The following PHIP variants were observed in gnomAD, a reference collection of about 807,000 sequenced individuals.
PHIP encodes PH-interacting protein.
PHIP carries 54 observed loss-of-function variants against 236.8 expected under a neutral mutation model. The ratio of observed to expected loss-of-function variants is 0.23; its 90% confidence interval spans 0.18 to 0.29. The LOEUF (loss-of-function observed/expected upper bound fraction) is 0.29, where lower values mean the gene tolerates loss of function less well. Among genes scored for constraint, PHIP ranks in the 10% least tolerant of loss-of-function variants. The pLI, the probability that PHIP is intolerant of heterozygous loss-of-function variation, is 1.00. For synonymous variants in PHIP, 756 were observed against 718.9 expected (o/e 1.05, Z -0.83); for missense variants, 1,370 against 2,190.8 (o/e 0.63, Z 7.48).
In PHIP at chr6:78,947,951, T is replaced by TCC. The variant is rs11370597; in HGVS notation, c.4054-178_4054-177dup. Among the ~76,000 whole-genome samples the TCC allele has an allele frequency of 7.4e-3, 1,115 of 150,840 alleles. 7 individuals are homozygous for TCC. The highest frequency in any genetic ancestry group is 0.031 in the Middle Eastern group (9 of 294). ...CTAATAATTCTTATTTATTTCATAC[T>TCC]CCCCCCCCTTATACTGCAATCAACA... On this transcript the variant is annotated intron_variant, in intron 35 of 39. Transcript: ENST00000275034.
At position 78,982,087 on chromosome 6, in the gene PHIP, T is replaced by C. The variant is rs539020623; in HGVS notation, c.2769+799A>G. Among the ~76,000 whole-genome samples, 19 of 152,150 alleles carry C rather than the reference T, an allele frequency of 1.2e-4. No homozygotes were observed. In the South Asian group the frequency reaches 3.3e-3, roughly 27 times the overall value. The stretch of plus-strand genomic sequence containing the variant: ...TAATTCTACAAACGACAATTTATAC[T>C]TAAATGGCAGAGGTTACAAAAAAAT... On this transcript the variant is annotated intron_variant, in intron 23 of 39. Coordinates refer to ENST00000275034, the MANE Select transcript of PHIP (RefSeq NM_017934.7).
chr6:78,965,565 C>T (rs747821143), intron 29 of PHIP, 138 bp downstream of exon 29: 46 of 586,642 alleles, frequency 7.8e-5, no homozygotes, highest in Non-Finnish European at 1.0e-4. Flanking sequence ...TCAAGGTGTA[C>T]AATAATAAAT....
At chr6:79,016,352 T>A (rs1196976022) in intron 13 of PHIP, among the ~76,000 whole-genome samples, 192 bp downstream of exon 13, 1 of 151,928 alleles carries the variant, frequency 6.6e-6, no homozygotes, top group East Asian at 1.9e-4. Context: ...ATTAATGCAA[T>A]GTCCTGAAAT....
intron 6 of PHIP, among the ~76,000 whole-genome samples, chr6:79,044,142 T>C (rs965822972): frequency 6.6e-6 from 1 of 152,160 alleles, no homozygotes; most frequent in African/African-American, 2.4e-5. Context: ...TGAGGAGATA[T>C]ATAGCCTTTA....
In PHIP at chr6:78,963,100, G is replaced by A; in HGVS notation, c.3532C>T (p.Leu1178=). 1 of 1,590,800 alleles carries A rather than the reference G, an allele frequency of 6.3e-7. No homozygotes were observed. The change falls in exon 30 of 40, where the codon CTA becomes TTA. Residue 1178 remains leucine (L), a synonymous_variant. Coordinates refer to ENST00000275034, the MANE Select transcript of PHIP (RefSeq NM_017934.7). ...IVAGINQLMT[L]DIASAFVAPV... ...ACTCGCGTGTTGCTTTACTTACCTA[G>A]TGTCATCAACTGGTTTATTCCTGCC... is the stretch of plus-strand genomic sequence containing the variant.
At chr6:79,010,627 T>C (rs1462895480) in intron 15 of PHIP, among the ~76,000 whole-genome samples, 2 of 151,142 alleles carry the variant, frequency 1.3e-5, no homozygotes, top group African/African-American at 4.9e-5. Flanking sequence ...ATGACAGAAA[T>C]AGAAAGATAT....
At position 78,978,686 on chromosome 6, in the gene PHIP, T is replaced by C. The variant is rs746241116; in HGVS notation, c.2795A>G (p.Glu932Gly). ...QKRLAVGELT[E>G]NGLTLEEWLP... ...CCATTCTTCTAATGTCAAACCATTT[T>C]CAGTTAGTTCTCCCACAGCCAATCT... is the stretch of plus-strand genomic sequence containing the variant. Residue 932 changes from glutamate to glycine, a missense_variant, in exon 24 of 40, where the codon GAA (glutamate) becomes GGA (glycine). Physicochemically the swap from Glu to Gly is moderately conservative, Grantham distance 98. Around this residue, in one of 14 missense-constraint regions of PHIP, gnomAD observed 76 missense variants for 76.4 expected, o/e 0.99. Coordinates refer to ENST00000275034, the MANE Select transcript of PHIP (RefSeq NM_017934.7). The C allele has an allele frequency of 1.3e-6, 2 of 1,595,798 alleles. No individual in the cohort carries two copies. The highest frequency in any genetic ancestry group is 1.7e-6 in the Non-Finnish European group (2 of 1,167,254).
chr6:79,004,307 T>C (rs1770170268), intron 15 of PHIP: 1 of 571,352 alleles, frequency 1.8e-6, no homozygotes, highest in Admixed American at 6.3e-5. Flanking sequence ...GGTAATAAAT[T>C]CCCTGGTAGT....
chr6:79,050,175 C>T (rs1043768532), intron 6 of PHIP, among the ~76,000 whole-genome samples: 2 of 151,808 alleles, frequency 1.3e-5, no homozygotes, highest in African/African-American at 2.4e-5. Flanking sequence ...GTATAAATGT[C>T]ACCATACAAT....
intron 39 of PHIP, among the ~76,000 whole-genome samples, chr6:78,943,684 G>A (rs1442550315): frequency 6.6e-6 from 1 of 152,062 alleles, no homozygotes; most frequent in African/African-American, 2.4e-5. Flanking sequence ...GGTTTTCTGG[G>A]ACATAAAGAT....
At chr6:79,053,141 C>T (rs1446647795) in intron 6 of PHIP, among the ~76,000 whole-genome samples, 3 of 151,988 alleles carry the variant, frequency 2.0e-5, no homozygotes, top group Non-Finnish European at 2.9e-5. Context: ...TGGTGAAACC[C>T]CGTCTCTACT....
chr6:79,047,031 T>C (rs1772529483), intron 6 of PHIP, among the ~76,000 whole-genome samples: 1 of 152,206 alleles, frequency 6.6e-6, no homozygotes, highest in Non-Finnish European at 1.5e-5. Flanking sequence ...ACGTATTCAC[T>C]TAATTTTCTG....
At chr6:79,044,813 C>G (rs919980406) in intron 6 of PHIP, among the ~76,000 whole-genome samples, 1 of 151,960 alleles carries the variant, frequency 6.6e-6, no homozygotes, top group Non-Finnish European at 1.5e-5. Context: ...GTTATAAAGA[C>G]CATCTAAAAA....
chr6:79,008,168 T>C (rs1454316825), intron 15 of PHIP, among the ~76,000 whole-genome samples: 1 of 151,180 alleles, frequency 6.6e-6, no homozygotes, highest in Non-Finnish European at 1.5e-5. Context: ...TCCAGCCTGG[T>C]GACAGAGCAA....
At chr6:78,978,562 A>T in intron 24 of PHIP, 30 bp downstream of exon 24, 1 of 1,544,832 alleles carries the variant, frequency 6.5e-7, no homozygotes, top group East Asian at 2.3e-5. Flanking sequence ...TATGTGAGGA[A>T]AAATGGATAA....
rs1582226160 is a variant in PHIP at position 79,015,765 on chromosome 6, T to C, written c.1254A>G (p.Ile418Met). Residue 418 changes from isoleucine (I) to methionine (M), a missense_variant, in exon 14 of 40, where the codon ATA becomes ATG. Coordinates refer to ENST00000275034, the MANE Select transcript of PHIP (RefSeq NM_017934.7). ...CCTTCATTTTTGTGATTTTATCTTCTATTCCTTGAAGGTTTTGGCTGAAAG... is the reference window on the plus strand; with the variant it reads ...CCTTCATTTTTGTGATTTTATCTTCCATTCCTTGAAGGTTTTGGCTGAAAG... ...TRPAGQNLQGIEDKITKMKVT... is the reference protein window; with the variant it reads ...TRPAGQNLQGMEDKITKMKVT... 6.2e-7 allele frequency: 1 copy of C among 1,610,682 alleles called. No homozygotes were observed.
At chr6:79,029,385 C>T (rs1771553613) in intron 7 of PHIP, among the ~76,000 whole-genome samples, 1 of 152,092 alleles carries the variant, frequency 6.6e-6, no homozygotes, top group Non-Finnish European at 1.5e-5. Context: ...ATAATCTGAG[C>T]ATGAATTCAA....
chr6:78,980,879 T>G (rs1768481282), intron 23 of PHIP, among the ~76,000 whole-genome samples: 1 of 152,052 alleles, frequency 6.6e-6, no homozygotes, highest in Non-Finnish European at 1.5e-5. Flanking sequence ...TATTAATTGC[T>G]AGGCAAGGAT....
At chr6:78,945,880 G>T in intron 38 of PHIP, 121 bp downstream of exon 38, 1 of 714,762 alleles carries the variant, frequency 1.4e-6, no homozygotes, top group Admixed American at 2.5e-5. Flanking sequence ...AATTAATAAA[G>T]AAGGCAAAAA....
Sources: gnomAD v4.1 joint callset for allele counts (sites outside exome capture counted in the v4.1 genomes callset) on GRCh38, gnomAD v4.1.1 for gene constraint, gnomAD v4.1.1 regional missense constraint, MANE v1.5 for transcripts, NCBI Gene and HGNC (gene_info 2026-07-23, HGNC 2026-07-21) for gene names.